RDH12: variants seen among roughly 807,000 people sequenced by gnomAD.
The protein encoded by RDH12 is all-trans and 9-cis retinol dehydrogenase.
In RDH12, 21 loss-of-function variants were observed where a neutral mutation model predicts 34.0. The observed-to-expected ratio is 0.62, with a 90% CI of 0.44 to 0.89. The LOEUF is 0.89. Ranked by LOEUF, RDH12 falls within the 40% of genes least tolerant of loss-of-function variation. The probability of loss-of-function intolerance (pLI) is 0.00; values close to 1 mark genes in which losing one functional copy is unlikely to be tolerated. For synonymous variants in RDH12, 198 were observed against 169.9 expected (o/e 1.17, Z -1.29); for missense variants, 394 against 398.6 (o/e 0.99, Z 0.10).
At chr14:67,730,006 T>C (rs980624505) in intron 8 of RDH12, among the ~76,000 whole-genome samples, 5 of 152,208 alleles carry the variant, frequency 3.3e-5, no homozygotes, top group African/African-American at 1.2e-4. Context: ...ATTTATTCCG[T>C]GAAGCACTGG....
At chr14:67,720,761 T>C (rs1037123281) in intron 1 of RDH12, 87 bp from the exon 2 acceptor site, 3 of 152,232 alleles carry the variant, frequency 2.0e-5, no homozygotes, top group African/African-American at 4.8e-5. Flanking sequence ...CTTTGGATTA[T>C]AATATTTAAC....
At chr14:67,731,549 T>C (rs1423401998) in intron 8 of RDH12, among the ~76,000 whole-genome samples, 1 of 152,026 alleles carries the variant, frequency 6.6e-6, no homozygotes. Flanking sequence ...GTTGCTACTC[T>C]AGAGTCTGAG....
At chr14:67,721,127 C>G (rs1261566067) in intron 2 of RDH12, among the ~76,000 whole-genome samples, 1 of 152,160 alleles carries the variant, frequency 6.6e-6, no homozygotes, top group African/African-American at 2.4e-5. Context: ...CTGCCTGCCA[C>G]AGAAGTCTTT....
intron 7 of RDH12, chr14:67,727,449 G>T: frequency 9.5e-6 from 4 of 423,240 alleles, no homozygotes; most frequent in East Asian, 5.0e-5. Context: ...TTTCACAGTA[G>T]CTTTTTGCAA....
chr14:67,710,668 G>A (rs773060419), intron 1 of RDH12, among the ~76,000 whole-genome samples: 1 of 150,498 alleles, frequency 6.6e-6, no homozygotes, highest in Middle Eastern at 3.5e-3. Flanking sequence ...TTTTATACAT[G>A]ATCTTTAAAT....
intron 1 of RDH12, among the ~76,000 whole-genome samples, chr14:67,713,731 C>T (rs1594860876): frequency 1.3e-5 from 2 of 152,146 alleles, no homozygotes; most frequent in South Asian, 2.1e-4. Context: ...GAGGTCCTGA[C>T]GACATGTGTC....
chr14:67,729,497 G>A, intron 8 of RDH12, 117 bp downstream of exon 8: 1 of 1,009,234 alleles, frequency 9.9e-7, no homozygotes, highest in South Asian at 1.3e-5. Context: ...CCAGGTTTGG[G>A]TTGGGCCTGC....
intron 8 of RDH12, among the ~76,000 whole-genome samples, chr14:67,731,355 C>T (rs2085478596): frequency 6.6e-6 from 1 of 151,826 alleles, no homozygotes; most frequent in South Asian, 2.1e-4. Flanking sequence ...GCTGGGATTA[C>T]AGGTGCATGC....
chr14:67,730,840 T>C (rs980436312), intron 8 of RDH12, among the ~76,000 whole-genome samples: 3 of 152,024 alleles, frequency 2.0e-5, no homozygotes, highest in Non-Finnish European at 2.9e-5. Context: ...CTGACGTCAG[T>C]TGATCCACCT....
chr14:67,705,220 C>A (rs891731133), intron 1 of RDH12, among the ~76,000 whole-genome samples: 1 of 152,186 alleles, frequency 6.6e-6, no homozygotes, highest in African/African-American at 2.4e-5. Context: ...CTGGAGTTGT[C>A]CTTTTTCATT....
chr14:67,719,117 T>C (rs1404935168), intron 1 of RDH12, among the ~76,000 whole-genome samples: 1 of 152,226 alleles, frequency 6.6e-6, no homozygotes, highest in Non-Finnish European at 1.5e-5. Context: ...ATCGGAGTTA[T>C]CCTTTTCCAT....
chr14:67,707,428 G>GAA (rs1215517211), intron 1 of RDH12, among the ~76,000 whole-genome samples: 1 of 151,732 alleles, frequency 6.6e-6, no homozygotes, highest in Admixed American at 6.6e-5. Context: ...AGAGCAGCAA[G>GAA]AATATATATA....
chr14:67,711,501 T>C (rs2038008435), intron 1 of RDH12, among the ~76,000 whole-genome samples: 1 of 152,252 alleles, frequency 6.6e-6, no homozygotes, highest in South Asian at 2.1e-4. Flanking sequence ...TGATAAAGTA[T>C]TTGATGATTT....
intron 6 of RDH12, 47 bp from the exon 7 acceptor site, chr14:67,726,934 T>C: frequency 6.4e-7 from 1 of 1,563,722 alleles, no homozygotes. Flanking sequence ...ATGCTGAGCC[T>C]GGGCTGTCAT....
chr14:67,730,490 T>G (rs1195765219), intron 8 of RDH12, among the ~76,000 whole-genome samples: 1 of 152,266 alleles, frequency 6.6e-6, no homozygotes, highest in Non-Finnish European at 1.5e-5. Context: ...AAAAATGTTT[T>G]GGATTTCAGA....
chr14:67,705,249 G>C (rs1011456252), intron 1 of RDH12, among the ~76,000 whole-genome samples: 43 of 152,332 alleles, frequency 2.8e-4, no homozygotes, highest in African/African-American at 1.0e-3. Context: ...CAATACAGAG[G>C]TTACAGTCCT....
chr14:67,727,249 A>G, intron 7 of RDH12, 59 bp downstream of exon 7: 1 of 1,378,390 alleles, frequency 7.3e-7, no homozygotes, highest in Non-Finnish European at 1.0e-6. Context: ...AGAGGTCCAC[A>G]GCAACTTGGG....
chr14:67,706,400 G>A (rs1421405801), intron 1 of RDH12: 1 of 152,140 alleles, frequency 6.6e-6, no homozygotes, highest in Non-Finnish European at 1.5e-5. Flanking sequence ...CACAGCCTTC[G>A]GAGGGCCTGA....
rs2038179149 is a variant in RDH12 at position 67,725,923 on chromosome 14, C to T, written c.344-128C>T. On this transcript the variant is annotated intron_variant, in intron 5 of 8. Coordinates refer to ENST00000551171, the MANE Select transcript of RDH12 (RefSeq NM_152443.3). ...TAAAAGGAAGGGGCAGAGCAAGTGA[C>T]TCCTATCAAAATGTTACCCCAACAA... 3 of 758,670 alleles carry T rather than the reference C, an allele frequency of 4.0e-6. No individual in the cohort carries two copies. In the East Asian group the frequency reaches 7.4e-5, roughly 19 times the overall value. The allele number at this position is 758,670 out of a possible 1,614,324, so 47.0% of individuals were successfully genotyped here. A position where few individuals can be genotyped will look rare whatever the true frequency, so the allele number is the denominator to read the frequency against.
Sources: allele counts gnomAD v4.1 joint callset (sites outside exome capture counted in the v4.1 genomes callset), GRCh38; gene constraint gnomAD v4.1.1; transcripts MANE v1.5; gene names NCBI Gene and HGNC (gene_info 2026-07-23, HGNC 2026-07-21).